RABGAP1L: variants seen among roughly 807,000 people sequenced by gnomAD.
The protein encoded by RABGAP1L is rab GTPase-activating protein 1-like.
Under a neutral mutation model 137.7 loss-of-function variants are expected in RABGAP1L, and 63 were observed. The ratio of observed to expected loss-of-function variants is 0.46; its 90% CI spans 0.37 to 0.56. RABGAP1L has a LOEUF of 0.56. Among genes scored for constraint, RABGAP1L ranks in the 20% least tolerant of loss-of-function variants. RABGAP1L has a pLI of 0.00. For missense variants in RABGAP1L, 1,095 were observed against 1,244.0 expected (o/e 0.88, Z 1.80); for synonymous variants, 431 against 433.7 (o/e 0.99, Z 0.08).
chr1:174,462,295 T>TA (rs1362265275), intron 13 of RABGAP1L, among the ~76,000 whole-genome samples: 1 of 152,218 alleles, frequency 6.6e-6, no homozygotes, highest in Admixed American at 6.5e-5. Context: ...AGTTATAGTT[T>TA]ATCCTTTAAT....
chr1:174,558,317 T>C (rs1210201139), intron 13 of RABGAP1L, among the ~76,000 whole-genome samples: 1 of 152,234 alleles, frequency 6.6e-6, no homozygotes, highest in African/African-American at 2.4e-5. Context: ...TCTCTCAGCC[T>C]AAGGAAATTC....
chr1:174,501,102 CT>C (rs1661225700), intron 13 of RABGAP1L, among the ~76,000 whole-genome samples: 1 of 152,048 alleles, frequency 6.6e-6, no homozygotes, highest in South Asian at 2.1e-4. Context: ...CTTAGTATTT[CT>C]GGAGTCAAAA....
chr1:174,342,824 C>T (rs922193119), intron 11 of RABGAP1L, among the ~76,000 whole-genome samples: 2 of 151,632 alleles, frequency 1.3e-5, no homozygotes, highest in East Asian at 1.9e-4. Flanking sequence ...CTGCAACTTC[C>T]GACTCCTGGG....
intron 12 of RABGAP1L, among the ~76,000 whole-genome samples, chr1:174,371,892 T>C (rs1225675758): frequency 6.6e-6 from 1 of 152,188 alleles, no homozygotes; most frequent in Non-Finnish European, 1.5e-5. Context: ...TGTATGCATC[T>C]TGAGAGTTTC....
chr1:174,724,553 A>G (rs571630800), intron 17 of RABGAP1L, among the ~76,000 whole-genome samples: 6 of 152,340 alleles, frequency 3.9e-5, no homozygotes, highest in African/African-American at 1.4e-4. Flanking sequence ...CTTAACATCT[A>G]GAGGACCAGA....
intron 14 of RABGAP1L, among the ~76,000 whole-genome samples, chr1:174,650,381 A>G (rs1316286866): frequency 2.0e-5 from 3 of 151,992 alleles, no homozygotes; most frequent in African/African-American, 7.3e-5. Flanking sequence ...GTCTTTTTCT[A>G]TTGATTGGAA....
chr1:174,537,064 C>T (rs1020068858), intron 13 of RABGAP1L, among the ~76,000 whole-genome samples: 1 of 152,098 alleles, frequency 6.6e-6, no homozygotes, highest in African/African-American at 2.4e-5. Context: ...TTATTGGTTT[C>T]TTTGAAGTAG....
chr1:174,988,283 CT>C (rs1671778713), intron 24 of RABGAP1L, among the ~76,000 whole-genome samples: 1 of 152,126 alleles, frequency 6.6e-6, no homozygotes, highest in Admixed American at 6.5e-5. Context: ...ATAGTGCTTA[CT>C]TATACAGTTG....
intron 13 of RABGAP1L, among the ~76,000 whole-genome samples, chr1:174,465,487 A>G (rs1044132630): frequency 6.6e-6 from 1 of 152,208 alleles, no homozygotes; most frequent in African/African-American, 2.4e-5. Flanking sequence ...GGCATGAGCC[A>G]CCATGCCCGG....
intron 13 of RABGAP1L, among the ~76,000 whole-genome samples, chr1:174,559,320 A>G (rs371909813): frequency 1.2e-4 from 18 of 152,342 alleles, no homozygotes; most frequent in African/African-American, 4.3e-4. Context: ...ACACACACAT[A>G]AAAATATGTA....
chr1:174,612,613 A>G (rs975637008), intron 13 of RABGAP1L, among the ~76,000 whole-genome samples: 85 of 152,240 alleles, frequency 5.6e-4, no homozygotes, highest in African/African-American at 1.9e-3. Context: ...ATTGATTGGA[A>G]TAGTTTCAGA....
intron 14 of RABGAP1L, among the ~76,000 whole-genome samples, 174 bp from the exon 15 acceptor site, chr1:174,683,348 C>G (rs932439976): frequency 2.6e-5 from 4 of 152,048 alleles, no homozygotes; most frequent in African/African-American, 4.8e-5. Context: ...AGGAAATACA[C>G]AGCCTCTTTG....
intron 13 of RABGAP1L, among the ~76,000 whole-genome samples, chr1:174,401,354 G>A (rs1340353734): frequency 6.6e-6 from 1 of 152,144 alleles, no homozygotes; most frequent in Non-Finnish European, 1.5e-5. Context: ...ATTGTTGTGA[G>A]AATTTAGTAA....
At chr1:174,860,231 T>A (rs1490421030) in intron 19 of RABGAP1L, among the ~76,000 whole-genome samples, 1 of 152,114 alleles carries the variant, frequency 6.6e-6, no homozygotes, top group East Asian at 1.9e-4. Flanking sequence ...AGAAATTGTA[T>A]CCTGGCACCA....
intron 13 of RABGAP1L, among the ~76,000 whole-genome samples, chr1:174,445,008 T>C (rs1463871125): frequency 1.3e-5 from 2 of 152,126 alleles, no homozygotes; most frequent in South Asian, 2.1e-4. Context: ...TACTATCTGC[T>C]TTCTTCATTT....
intron 13 of RABGAP1L, among the ~76,000 whole-genome samples, chr1:174,601,040 A>G (rs1275568841): frequency 6.6e-6 from 1 of 152,332 alleles, no homozygotes; most frequent in African/African-American, 2.4e-5. Context: ...CCAAACCTCA[A>G]TTCTTGACTT....
intron 17 of RABGAP1L, among the ~76,000 whole-genome samples, chr1:174,748,545 G>T (rs527358736): frequency 6.6e-6 from 1 of 152,268 alleles, no homozygotes; most frequent in Middle Eastern, 3.4e-3. Context: ...TTGGGTTTCA[G>T]ATTGGTTTTA....
Position 174,535,072 on chromosome 1 carries a change from C to T in RABGAP1L, c.1711-102303C>T, listed in dbSNP as rs80142160. 4.6e-4 allele frequency among the ~76,000 whole-genome samples: 70 copies of T among 152,204 alleles called. No individual in the cohort carries two copies. The East Asian group carries it at 0.011, about 24-fold the overall frequency. On this transcript the variant is annotated intron_variant, in intron 13 of 25. Coordinates refer to ENST00000681986, the MANE Select transcript of RABGAP1L (RefSeq NM_001366446.1). ...AGGAAAAAATAAAAGTTTTTGAATG[C>T]CACTGTTCAACTTGACACCATAAGG...
intron 14 of RABGAP1L, among the ~76,000 whole-genome samples, chr1:174,639,039 A>T (rs1035396939): frequency 9.3e-4 from 140 of 151,104 alleles, no homozygotes; most frequent in Admixed American, 2.0e-4. Flanking sequence ...AGTGTAATAA[A>T]AAAAAAAAAA....
Sources: allele counts gnomAD v4.1 joint callset (sites outside exome capture counted in the v4.1 genomes callset), GRCh38; gene constraint gnomAD v4.1.1; transcripts MANE v1.5; gene names NCBI Gene and HGNC (gene_info 2026-07-23, HGNC 2026-07-21).